The following CDIN1 variants were observed in gnomAD, a reference collection of about 807,000 sequenced individuals.
CDIN1 encodes the protein CDAN1 interacting nuclease 1, also known as CDAN1-interacting nuclease 1.
A neutral mutation model predicts 45.3 loss-of-function variants in CDIN1; 33 were observed. That is an observed-to-expected ratio of 0.73 (90% CI 0.55 to 0.97). The LOEUF (loss-of-function observed/expected upper bound fraction) is 0.97. Among genes scored for constraint, CDIN1 ranks in the 50% least tolerant of loss-of-function variants. CDIN1 has a pLI of 0.00. For missense variants in CDIN1, 303 were observed against 339.4 expected (o/e 0.89, Z 0.84); for synonymous variants, 118 against 124.4 (o/e 0.95, Z 0.34).
At chr15:36,624,563 C>T (rs953229931) in intron 1 of CDIN1, among the ~76,000 whole-genome samples, 3 of 152,156 alleles carry the variant, frequency 2.0e-5, no homozygotes, top group Non-Finnish European at 4.4e-5. Flanking sequence ...ATGTCATCTA[C>T]TGAGGCTTCA....
chr15:36,720,360 G>A (rs998157709), intron 10 of CDIN1, among the ~76,000 whole-genome samples: 4 of 151,768 alleles, frequency 2.6e-5, no homozygotes, highest in African/African-American at 4.8e-5. Context: ...CATGTGCCAT[G>A]TTGGTGTGCT....
At chr15:36,723,270 A>T (rs898078730) in intron 10 of CDIN1, among the ~76,000 whole-genome samples, 1 of 152,114 alleles carries the variant, frequency 6.6e-6, no homozygotes, top group African/African-American at 2.4e-5. Context: ...ATTCCAAGTG[A>T]TCATAAGTTA....
At chr15:36,614,718 G>T (rs1054676573) in intron 1 of CDIN1, among the ~76,000 whole-genome samples, 12 of 152,178 alleles carry the variant, frequency 7.9e-5, no homozygotes, top group African/African-American at 2.7e-4. Context: ...TGTCTACAAA[G>T]TACTAGCTAA....
At chr15:36,699,708 CTT>C (rs2042563969) in intron 8 of CDIN1, among the ~76,000 whole-genome samples, 2 of 152,078 alleles carry the variant, frequency 1.3e-5, no homozygotes, top group African/African-American at 4.8e-5. Flanking sequence ...TATCTTTACT[CTT>C]AACAATTGAA....
At chr15:36,742,579 A>T (rs1020477783) in intron 10 of CDIN1, among the ~76,000 whole-genome samples, 1 of 152,182 alleles carries the variant, frequency 6.6e-6, no homozygotes, top group Admixed American at 6.5e-5. Context: ...AATTTTCTTT[A>T]TACCATCATA....
At chr15:36,593,213 T>C (rs1449659062) in intron 1 of CDIN1, among the ~76,000 whole-genome samples, 1 of 152,200 alleles carries the variant, frequency 6.6e-6, no homozygotes, top group Admixed American at 6.5e-5. Flanking sequence ...ACTCAGCATA[T>C]TAGAACTGAA....
intron 10 of CDIN1, among the ~76,000 whole-genome samples, chr15:36,719,168 G>A (rs188625715): frequency 6.6e-6 from 1 of 152,194 alleles, no homozygotes; most frequent in East Asian, 1.9e-4. Context: ...GCTGCAGTGA[G>A]CCATGATCAT....
intron 3 of CDIN1, among the ~76,000 whole-genome samples, chr15:36,652,436 G>C (rs1254839465): frequency 1.3e-5 from 2 of 152,142 alleles, no homozygotes; most frequent in East Asian, 3.9e-4. Context: ...ACTCTTGGTG[G>C]TTACAGGCAC....
intron 5 of CDIN1, among the ~76,000 whole-genome samples, chr15:36,668,458 G>C (rs979126645): frequency 6.6e-6 from 1 of 152,114 alleles, no homozygotes; most frequent in Non-Finnish European, 1.5e-5. Context: ...TAGTCATACA[G>C]TTAGAAAGGA....
chr15:36,623,093 G>A (rs1044643847), intron 1 of CDIN1, among the ~76,000 whole-genome samples: 2 of 152,058 alleles, frequency 1.3e-5, no homozygotes, highest in Non-Finnish European at 2.9e-5. Context: ...GCTTTTGGGG[G>A]CTTTCACAGG....
chr15:36,590,083 G>A (rs2037503844), intron 1 of CDIN1, among the ~76,000 whole-genome samples: 1 of 152,138 alleles, frequency 6.6e-6, no homozygotes, highest in African/African-American at 2.4e-5. Context: ...AAGGAACAGT[G>A]ACATGGCTTG....
intron 10 of CDIN1, among the ~76,000 whole-genome samples, chr15:36,776,533 T>C (rs1431835082): frequency 2.0e-5 from 3 of 152,264 alleles, no homozygotes; most frequent in Non-Finnish European, 4.4e-5. Context: ...AATATTCTTC[T>C]TGGTAATCAT....
At chr15:36,757,456 C>T (rs1418509445) in intron 10 of CDIN1, among the ~76,000 whole-genome samples, 1 of 152,136 alleles carries the variant, frequency 6.6e-6, no homozygotes, top group Non-Finnish European at 1.5e-5. Context: ...CTTTCTAGTC[C>T]GAGGTTTTGC....
At chr15:36,714,270 C>G (rs1250297977) in intron 10 of CDIN1, among the ~76,000 whole-genome samples, 1 of 152,082 alleles carries the variant, frequency 6.6e-6, no homozygotes, top group Non-Finnish European at 1.5e-5. Flanking sequence ...TAACTGAGAA[C>G]TAAATGACAA....
chr15:36,723,861 A>G (rs2043525612), intron 10 of CDIN1, among the ~76,000 whole-genome samples: 1 of 152,236 alleles, frequency 6.6e-6, no homozygotes, highest in Middle Eastern at 3.2e-3. Flanking sequence ...TTCAGCGCAT[A>G]CAAAGGTGAG....
chr15:36,792,548 T>C (rs2054671176), intron 10 of CDIN1, among the ~76,000 whole-genome samples: 2 of 151,904 alleles, frequency 1.3e-5, no homozygotes, highest in South Asian at 4.2e-4. Flanking sequence ...CTCAGTATAG[T>C]TTTCAATTTT....
chr15:36,745,616 T>G (rs2044392340), intron 10 of CDIN1, among the ~76,000 whole-genome samples: 1 of 152,188 alleles, frequency 6.6e-6, no homozygotes, highest in South Asian at 2.1e-4. Flanking sequence ...TTTTAGATAC[T>G]CTTAGGGTGT....
At chr15:36,581,085 C>A (rs1448716005) in intron 1 of CDIN1, among the ~76,000 whole-genome samples, 1 of 152,088 alleles carries the variant, frequency 6.6e-6, no homozygotes, top group Non-Finnish European at 1.5e-5. Context: ...CCCTTTATAG[C>A]CTTTAGTATT....
chr15:36,681,875 A>T (rs1800624839), intron 5 of CDIN1, among the ~76,000 whole-genome samples: 1 of 152,208 alleles, frequency 6.6e-6, no homozygotes, highest in Non-Finnish European at 1.5e-5. Flanking sequence ...CACGGATTTC[A>T]GATGAAAGAA....
Sources: gnomAD v4.1 joint callset for allele counts (sites outside exome capture counted in the v4.1 genomes callset) on GRCh38, gnomAD v4.1.1 for gene constraint, MANE v1.5 for transcripts, NCBI Gene and HGNC (gene_info 2026-07-23, HGNC 2026-07-21) for gene names.